CTNND1: variants seen among roughly 807,000 people sequenced by gnomAD.
CTNND1 encodes catenin delta 1.
Under a neutral mutation model 112.1 loss-of-function variants are expected in CTNND1, and 16 were observed. That is an observed-to-expected ratio of 0.14 (90% CI 0.10 to 0.22). The LOEUF is 0.22. Among genes scored for constraint, CTNND1 ranks in the 10% least tolerant of loss-of-function variants. The pLI is 1.00. For missense variants in CTNND1, 1,008 were observed against 1,257.0 expected, an observed-to-expected ratio of 0.80 and a Z score of 3.00; for synonymous variants, 420 against 446.5, an observed-to-expected ratio of 0.94 and a Z score of 0.75.
In CTNND1 at chr11:57,781,037, C is replaced by T. The variant is rs182343165; in HGVS notation, c.-213-8000C>T. On this transcript the variant is annotated intron_variant, in intron 1 of 20. Coordinates refer to ENST00000399050, the MANE Select transcript of CTNND1 (RefSeq NM_001085458.2). ...CACTGCAACCTCCACCTCCTGGGTT[C>T]AAGCGATTCTCCTGCCTCAGCCTCC... Among the ~76,000 whole-genome samples the T allele has an allele frequency of 3.0e-3, 463 of 152,294 alleles. 4 individuals carry two copies. The highest frequency in any genetic ancestry group is 0.011 in the African/African-American group (445 of 41,566).
chr11:57,808,521 T>A lies in CTNND1; in HGVS notation c.2223T>A (p.Ala741=). ...CACTGAGAAACCTGGCTGTGGATGCTCGCAACAAAGAATTAATTGGTGAGG... is the reference window on the plus strand; with the variant it reads ...CACTGAGAAACCTGGCTGTGGATGCACGCAACAAAGAATTAATTGGTGAGG... ...SGALRNLAVD[A]RNKELIGKHA... is the part of the protein sequence containing the mutation. Residue 741 remains alanine, a synonymous_variant, in exon 14 of 21, where the codon GCT becomes GCA. Transcript: ENST00000399050. 6.2e-7 allele frequency: 1 copy of A among 1,603,638 alleles called. No individual in the cohort carries two copies.
chr11:57,786,256 G>A (rs954305687), intron 1 of CTNND1, among the ~76,000 whole-genome samples: 31 of 151,356 alleles, frequency 2.0e-4, no homozygotes, highest in Non-Finnish European at 3.7e-4. Context: ...AGTGGAGGCC[G>A]GCTGCCGTGG....
At chr11:57,776,744 C>T (rs1954318286) in intron 1 of CTNND1, among the ~76,000 whole-genome samples, 1 of 152,194 alleles carries the variant, frequency 6.6e-6, no homozygotes, top group Admixed American at 6.5e-5. Context: ...GTCTTCCCTC[C>T]CTCACACCCC....
At chr11:57,790,591 A>G (rs1444927307) in intron 2 of CTNND1, among the ~76,000 whole-genome samples, 1 of 114,144 alleles carries the variant, frequency 8.8e-6, no homozygotes, top group South Asian at 2.7e-4. Flanking sequence ...GGAGTCTTGC[A>G]CTGTCGCCTA....
rs756113838 is a variant in CTNND1 at position 57,796,912 on chromosome 11, T to C, written c.876T>C (p.Asp292=). 3 of 1,590,778 alleles carry C rather than the reference T, an allele frequency of 1.9e-6. No homozygotes were observed. Among genetic ancestry groups the C allele is most frequent in the Non-Finnish European group, 2.6e-6 (3 of 1,164,734 alleles). ...ATGACCAGCGTAGTATGGGCTATGA[T>C]GACCTGGATTATGGTATGATGTCTG... The part of the protein sequence containing the change: ...LEDDQRSMGY[D]DLDYGMMSDY... Residue 292 remains aspartate, a synonymous_variant, in exon 6 of 21, where the codon GAT becomes GAC. Transcript: ENST00000399050.
At chr11:57,784,709 T>C (rs1015299071) in intron 1 of CTNND1, among the ~76,000 whole-genome samples, 1 of 152,168 alleles carries the variant, frequency 6.6e-6, no homozygotes, top group African/African-American at 2.4e-5. Flanking sequence ...TTTCACCATG[T>C]TGACCAGGCT....
chr11:57,782,263 TG>T (rs1394269606), intron 1 of CTNND1, among the ~76,000 whole-genome samples: 2 of 152,308 alleles, frequency 1.3e-5, no homozygotes, highest in East Asian at 3.9e-4. Flanking sequence ...AAGAGGAGGG[TG>T]GTCTGCCCAG....
chr11:57,816,102 T>C, intron 20 of CTNND1, 101 bp downstream of exon 20: 1 of 1,197,804 alleles, frequency 8.3e-7, no homozygotes, highest in Non-Finnish European at 1.2e-6. Flanking sequence ...AGAGACTAAG[T>C]AGTCTCAGCC....
chr11:57,806,337 T>A (rs2062662162), intron 10 of CTNND1, 124 bp from the exon 11 acceptor site: 1 of 983,286 alleles, frequency 1.0e-6, no homozygotes, highest in South Asian at 1.5e-5. Flanking sequence ...GCATTTTCTG[T>A]GTTTTTCTTT....
chr11:57,775,534 G>A (rs1954007612), intron 1 of CTNND1, among the ~76,000 whole-genome samples: 1 of 152,100 alleles, frequency 6.6e-6, no homozygotes, highest in South Asian at 2.1e-4. Context: ...TGGAGGACTC[G>A]CCTATTGGGA....
chr11:57,796,134 C>T (rs1312067647), intron 5 of CTNND1, among the ~76,000 whole-genome samples: 1 of 152,010 alleles, frequency 6.6e-6, no homozygotes, highest in Admixed American at 6.6e-5. Flanking sequence ...CGCTTGTAAT[C>T]CCAGCCCTGT....
intron 1 of CTNND1, among the ~76,000 whole-genome samples, chr11:57,776,264 T>C (rs1954208516): frequency 6.6e-6 from 1 of 152,090 alleles, no homozygotes; most frequent in Non-Finnish European, 1.5e-5. Flanking sequence ...AGGGTGGTGG[T>C]GGAAACAGCT....
Position 57,806,966 on chromosome 11 carries a change from G to A in CTNND1, c.1946G>A (p.Arg649Lys). ...AACGATACAGTGGATTTCCCTAAAA[G>A]AACGAGTCCAGCTCGAGGTAAGTTA... ...PANDTVDFPK[R>K]TSPARGYELL... Residue 649 changes from arginine to lysine, a missense_variant, in exon 12 of 21, where the codon AGA becomes AAA. Physicochemically the swap from Arg to Lys is conservative, Grantham distance 26. Transcript: ENST00000399050. The A allele has an allele frequency of 6.2e-7, 1 of 1,600,258 alleles. No individual in the cohort carries two copies. Among genetic ancestry groups the A allele is most frequent in the South Asian group, 1.1e-5 (1 of 88,346 alleles).
rs71061542 is a variant in CTNND1, at chr11:57,798,344, C to CA, written c.956+1370dup. On this transcript the variant is annotated intron_variant, in intron 6 of 20. Coordinates refer to ENST00000399050, the MANE Select transcript of CTNND1 (RefSeq NM_001085458.2). ...CCTGGGTGACATAGTGAGACTGTCTCAAAAAAAAAAAAAAAAAAGCCAAAA... is the reference window on the plus strand; with the variant it reads ...CCTGGGTGACATAGTGAGACTGTCTCAAAAAAAAAAAAAAAAAAAGCCAAAA... Among the ~76,000 whole-genome samples, 103 of 105,688 alleles carry CA rather than the reference C, an allele frequency of 9.7e-4. 1 individual carries two copies. Among genetic ancestry groups the CA allele is most frequent in the African/African-American group, 3.2e-3 (88 of 27,320 alleles). 69.3% of individuals were successfully genotyped at this position (105,688 alleles called of 152,430 possible).
At chr11:57,806,612 A>G in intron 11 of CTNND1, 134 bp downstream of exon 11, 1 of 816,638 alleles carries the variant, frequency 1.2e-6, no homozygotes, top group South Asian at 1.6e-5. Context: ...ACACTGAAAC[A>G]AGTTTAGCTC....
chr11:57,806,847 G>A, intron 11 of CTNND1, 68 bp from the exon 12 acceptor site: 1 of 1,332,496 alleles, frequency 7.5e-7, no homozygotes, highest in Non-Finnish European at 1.1e-6. Flanking sequence ...GATGAAAAAT[G>A]TGCCAGGTGG....
rs539162406 is a variant in CTNND1, at chr11:57,796,695, G to A, written c.659G>A (p.Gly220Asp). 2.4e-5 allele frequency: 39 copies of A among 1,613,932 alleles called. No individual in the cohort carries two copies. Among genetic ancestry groups the A allele is most frequent in the Non-Finnish European group, 3.2e-5 (38 of 1,179,910 alleles). Residue 220 changes from glycine to aspartate, a missense_variant, in exon 6 of 21, where the codon GGT becomes GAT. This residue lies in a region of CTNND1 where 404 missense variants were observed against 457.9 expected (regional missense o/e 0.88). Coordinates refer to ENST00000399050, the MANE Select transcript of CTNND1 (RefSeq NM_001085458.2). Reference protein sequence around the residue: ...PDGYSRHYEDGYPGGSDNYGS... With the variant: ...PDGYSRHYEDDYPGGSDNYGS... ...GGTTATAGTCGCCACTATGAAGATGGTTATCCAGGTGGCAGTGATAACTAT... is the reference window on the plus strand; with the variant it reads ...GGTTATAGTCGCCACTATGAAGATGATTATCCAGGTGGCAGTGATAACTAT...
chr11:57,791,656 C>T lies in CTNND1; in HGVS notation c.178C>T (p.Leu60Phe). The T allele has an allele frequency of 4.4e-6, 7 of 1,575,408 alleles. No homozygotes were observed. Among genetic ancestry groups the T allele is most frequent in the Middle Eastern group, 1.7e-4 (1 of 5,934 alleles). The change falls in exon 3 of 21, where the codon CTC becomes TTC. Residue 60 changes from leucine to phenylalanine, a missense_variant. By Grantham distance (22) the Leu-to-Phe change is conservative (BLOSUM62 0). Coordinates refer to ENST00000399050, the MANE Select transcript of CTNND1 (RefSeq NM_001085458.2). ...CAACCCACTCATGGCCAACGGCACA[C>T]TCACCCGCCGGCATCAGGTAACCCC... is the stretch of plus-strand genomic sequence containing the variant. Reference protein sequence around the residue: ...DANPLMANGTLTRRHQNGRFV... With the variant: ...DANPLMANGTFTRRHQNGRFV...
At chr11:57,814,145 T>C (rs2063685997) in intron 17 of CTNND1, 166 bp from the exon 18 acceptor site, 2 of 598,186 alleles carry the variant, frequency 3.3e-6, no homozygotes, top group Admixed American at 5.2e-5. Context: ...TGAGACCTCA[T>C]CTCTACAAAA....
Sources: allele counts gnomAD v4.1 joint callset (sites outside exome capture counted in the v4.1 genomes callset), GRCh38; gene constraint gnomAD v4.1.1; regional missense constraint gnomAD v4.1.1; transcripts MANE v1.5; gene names NCBI Gene and HGNC (gene_info 2026-07-23, HGNC 2026-07-21).